ZNF483: variants seen among roughly 807,000 people sequenced by gnomAD.
ZNF483 encodes zinc finger protein HIT-10.
A neutral mutation model predicts 28.6 loss-of-function variants in ZNF483; 9 were observed. That is an observed-to-expected ratio of 0.32 (90% confidence interval 0.19 to 0.55). The LOEUF (loss-of-function observed/expected upper bound fraction) is 0.55, where lower values mean the gene tolerates loss of function less well. ZNF483 is among the 20% of genes least tolerant of loss of function. The pLI is 0.93. For missense variants in ZNF483, 675 were observed against 871.7 expected (o/e 0.77, Z 2.84); for synonymous variants, 322 against 306.2 (o/e 1.05, Z -0.54).
intron 5 of ZNF483, chr9:111,574,951 A>C: frequency 1.2e-6 from 1 of 831,064 alleles, no homozygotes. Flanking sequence ...CAGCAACAAA[A>C]CTGACTGAAT....
rs780174090 is a variant in ZNF483 at position 111,533,715 on chromosome 9, C to T, written c.502-24C>T. ...GGTTCTATTTGGGAATAATCCAATA[C>T]AAAAGAGCTGTTTGGTGTTCTAGGA... On this transcript the variant is annotated intron_variant, in intron 3 of 5. Coordinates refer to ENST00000309235, the MANE Select transcript of ZNF483 (RefSeq NM_133464.5). 6 of 1,536,662 alleles carry T rather than the reference C, an allele frequency of 3.9e-6. No individual in the cohort carries two copies. In the South Asian group the frequency reaches 6.4e-5, roughly 16 times the overall value.
chr9:111,536,299 C>G (rs1056226463), intron 5 of ZNF483, among the ~76,000 whole-genome samples: 3 of 151,794 alleles, frequency 2.0e-5, no homozygotes, highest in Non-Finnish European at 4.4e-5. Context: ...GCAGGCAGAT[C>G]ATGAGGTCAG....
At chr9:111,565,416 A>C (rs1263721152) in intron 5 of ZNF483, among the ~76,000 whole-genome samples, 1 of 152,210 alleles carries the variant, frequency 6.6e-6, no homozygotes, top group African/African-American at 2.4e-5. Flanking sequence ...ACTAATACAA[A>C]TACTAATGTA....
At chr9:111,527,051 G>C (rs1245910128) in intron 1 of ZNF483, among the ~76,000 whole-genome samples, 1 of 151,840 alleles carries the variant, frequency 6.6e-6, no homozygotes, top group Non-Finnish European at 1.5e-5. Flanking sequence ...GCAGTGAGCC[G>C]AGATCGCACC....
Position 111,542,030 on chromosome 9 carries a change from G to C in ZNF483, c.1095G>C (p.Gly365=), listed in dbSNP as rs761817752. ...GEKSRKSNDG[G]KVLSHSSALT... ...AGTCACGGAAATCTAATGATGGTGG[G>C]AAAGTCCTGAGTCACTCTTCAGCTC... The change falls in exon 6 of 6, where the codon GGG becomes GGC. Residue 365 remains glycine, a synonymous_variant. Transcript: ENST00000309235. This position sits in a 1 kb window ranked among gnomAD's most constrained non-coding sequence, Gnocchi z 6.2. 9.3e-6 allele frequency: 15 copies of C among 1,613,920 alleles called. No homozygotes were observed. The highest frequency in any genetic ancestry group is 1.3e-5 in the Non-Finnish European group (15 of 1,179,958).
At chr9:111,562,989 T>G in intron 5 of ZNF483, 1 of 1,428,032 alleles carries the variant, frequency 7.0e-7, no homozygotes, top group Non-Finnish European at 9.1e-7. Flanking sequence ...TAAATGTATT[T>G]TATTAAGTAG....
Sources: allele counts gnomAD v4.1 joint callset (sites outside exome capture counted in the v4.1 genomes callset), GRCh38; gene constraint gnomAD v4.1.1; non-coding constraint Gnocchi (gnomAD v3.1); transcripts MANE v1.5; gene names NCBI Gene and HGNC (gene_info 2026-07-23, HGNC 2026-07-21).